Variants in SBF2 observed in about 807,000 individuals in gnomAD.
SBF2 encodes the protein myotubularin-related protein 13.
A neutral mutation model predicts 225.2 loss-of-function variants in SBF2; 112 were observed. The observed-to-expected ratio is 0.50, with a 90% CI of 0.43 to 0.58. The LOEUF is 0.58. Ranked by LOEUF, SBF2 falls within the 20% of genes least tolerant of loss-of-function variation. The pLI is 0.00. For missense variants in SBF2, 1,996 were observed against 2,206.2 expected, an observed-to-expected ratio of 0.90 and a Z score of 1.91; for synonymous variants, 763 against 773.3, an observed-to-expected ratio of 0.99 and a Z score of 0.22.
intron 2 of SBF2, among the ~76,000 whole-genome samples, chr11:10,103,525 A>G (rs1282581711): frequency 6.6e-6 from 1 of 152,196 alleles, no homozygotes; most frequent in Non-Finnish European, 1.5e-5. Context: ...AAAAGTAACA[A>G]ATTTCCTTGT....
intron 2 of SBF2, among the ~76,000 whole-genome samples, chr11:10,117,871 GT>G (rs1475704524): frequency 6.6e-6 from 1 of 151,820 alleles, no homozygotes; most frequent in Non-Finnish European, 1.5e-5. Context: ...ATACTGTTCA[GT>G]TTTTTTGTTA....
chr11:9,805,775 C>T (rs575595239), intron 32 of SBF2, among the ~76,000 whole-genome samples: 1 of 152,056 alleles, frequency 6.6e-6, no homozygotes, highest in African/African-American at 2.4e-5. Context: ...GGCGTGCGCC[C>T]CCACGTCTGG....
intron 36 of SBF2, 35 bp from the exon 37 acceptor site, chr11:9,785,353 A>G (rs1564850775): frequency 1.3e-6 from 2 of 1,551,358 alleles, no homozygotes; most frequent in Middle Eastern, 3.4e-4. Context: ...GGAAACCTTT[A>G]CAGACACTTA....
intron 1 of SBF2, among the ~76,000 whole-genome samples, chr11:10,225,188 T>G (rs1177839889): frequency 6.6e-6 from 1 of 152,084 alleles, no homozygotes; most frequent in Non-Finnish European, 1.5e-5. Flanking sequence ...TGAACTTATA[T>G]AAATTAAGAA....
chr11:10,066,261 C>T (rs1352259186), intron 2 of SBF2, among the ~76,000 whole-genome samples: 2 of 151,682 alleles, frequency 1.3e-5, no homozygotes, highest in East Asian at 3.9e-4. Context: ...TTGATAAAGA[C>T]ATTACAAGAA....
chr11:9,917,735 C>T (rs1043179172), intron 16 of SBF2, among the ~76,000 whole-genome samples: 1 of 150,950 alleles, frequency 6.6e-6, no homozygotes, highest in Non-Finnish European at 1.5e-5. Context: ...CTGAGGTTAG[C>T]GCGACCATTT....
At chr11:10,137,892 C>T (rs1418875759) in intron 2 of SBF2, among the ~76,000 whole-genome samples, 1 of 151,844 alleles carries the variant, frequency 6.6e-6, no homozygotes, top group African/African-American at 2.4e-5. Context: ...CCTGTAATCT[C>T]GGGAGGCTGA....
At chr11:10,230,246 G>T (rs546842887) in intron 1 of SBF2, among the ~76,000 whole-genome samples, 1 of 152,082 alleles carries the variant, frequency 6.6e-6, no homozygotes, top group African/African-American at 2.4e-5. Context: ...AACACTGATG[G>T]GTCTTGACTC....
At chr11:10,228,486 G>A (rs981689287) in intron 1 of SBF2, among the ~76,000 whole-genome samples, 3 of 152,148 alleles carry the variant, frequency 2.0e-5, no homozygotes, top group Non-Finnish European at 4.4e-5. Context: ...ATTATTTTGA[G>A]ATACGTCCCA....
At chr11:9,927,444 G>A (rs140494412) in intron 16 of SBF2, among the ~76,000 whole-genome samples, 5 of 152,194 alleles carry the variant, frequency 3.3e-5, no homozygotes, top group African/African-American at 4.8e-5. Flanking sequence ...AATCAAATCC[G>A]ACAAGTTAAA....
At chr11:9,890,697 C>A (rs1187807738) in intron 17 of SBF2, among the ~76,000 whole-genome samples, 1 of 152,124 alleles carries the variant, frequency 6.6e-6, no homozygotes, top group African/African-American at 2.4e-5. Context: ...GTATCAATAA[C>A]CAACAGATGT....
chr11:9,931,351 T>C (rs1178167933), intron 16 of SBF2, among the ~76,000 whole-genome samples: 1 of 152,132 alleles, frequency 6.6e-6, no homozygotes, highest in Non-Finnish European at 1.5e-5. Context: ...CACCTCCCAG[T>C]AGGGATCGAC....
intron 17 of SBF2, among the ~76,000 whole-genome samples, chr11:9,892,795 G>A (rs936569428): frequency 3.3e-5 from 5 of 152,076 alleles, no homozygotes; most frequent in Non-Finnish European, 5.9e-5. Context: ...CCAACCTCAG[G>A]TGATCCGCCC....
intron 1 of SBF2, among the ~76,000 whole-genome samples, chr11:10,275,719 A>C (rs1170371544): frequency 6.6e-6 from 1 of 152,202 alleles, no homozygotes; most frequent in Non-Finnish European, 1.5e-5. Context: ...GAAGGAGTAA[A>C]ACAAAAACTG....
intron 32 of SBF2, among the ~76,000 whole-genome samples, chr11:9,799,794 T>G (rs1004782538): frequency 5.3e-5 from 8 of 152,238 alleles, no homozygotes; most frequent in African/African-American, 1.9e-4. Context: ...GTTTGTCCAG[T>G]TCACTGGCTT....
At chr11:9,881,480 G>A (rs1035828650) in intron 17 of SBF2, among the ~76,000 whole-genome samples, 1 of 152,064 alleles carries the variant, frequency 6.6e-6, no homozygotes, top group Non-Finnish European at 1.5e-5. Context: ...AGAGAGTTAA[G>A]CTATAAAAAT....
chr11:9,896,906 C>T (rs1861311465), intron 16 of SBF2, among the ~76,000 whole-genome samples: 1 of 152,040 alleles, frequency 6.6e-6, no homozygotes, highest in Non-Finnish European at 1.5e-5. Context: ...CAGGAAATCT[C>T]AGTGGGAAGG....
chr11:10,281,824 T>A (rs1201924658), intron 1 of SBF2, among the ~76,000 whole-genome samples: 1 of 152,124 alleles, frequency 6.6e-6, no homozygotes, highest in Non-Finnish European at 1.5e-5. Context: ...CACAAATGAG[T>A]AACTTTAAAA....
rs1240565391 is a variant in SBF2 at position 10,173,360 on chromosome 11, G to A, written c.141+20542C>T. Among the ~76,000 whole-genome samples, 3 of 152,352 alleles carry A rather than the reference G, an allele frequency of 2.0e-5. No individual in the cohort carries two copies. In the East Asian group the frequency reaches 5.8e-4, roughly 29 times the overall value. Reference sequence around the variant, plus strand: ...TTGCCTCACTCGGGAAGCGCAAGGGGTCAGGGAGTTCCCTTTCCTAGTCAA... The same window carrying A: ...TTGCCTCACTCGGGAAGCGCAAGGGATCAGGGAGTTCCCTTTCCTAGTCAA... On this transcript the variant is annotated intron_variant, in intron 2 of 39. Transcript: ENST00000256190.
Sources: gnomAD v4.1 joint callset for allele counts (sites outside exome capture counted in the v4.1 genomes callset) on GRCh38, gnomAD v4.1.1 for gene constraint, MANE v1.5 for transcripts, NCBI Gene and HGNC (gene_info 2026-07-23, HGNC 2026-07-21) for gene names.